The following PCMT1 variants were observed in gnomAD, a reference collection of about 807,000 sequenced individuals.
PCMT1 encodes the protein protein-L-isoaspartate(D-aspartate) O-methyltransferase.
In PCMT1, 9 loss-of-function variants were observed where a neutral mutation model predicts 29.2. That is an observed-to-expected ratio of 0.31 (90% CI 0.19 to 0.54). The LOEUF (loss-of-function observed/expected upper bound fraction) is 0.54, where lower values mean the gene tolerates loss of function less well. Ranked by LOEUF, PCMT1 falls within the 20% of genes least tolerant of loss-of-function variation. The pLI is 0.95. For missense variants in PCMT1, 184 were observed against 282.2 expected (o/e 0.65, Z 2.49); for synonymous variants, 98 against 97.5 (o/e 1.00, Z -0.03).
intron 3 of PCMT1, among the ~76,000 whole-genome samples, chr6:149,786,859 T>C (rs1788121033): frequency 6.7e-6 from 1 of 148,480 alleles, no homozygotes; most frequent in East Asian, 2.0e-4. Flanking sequence ...GAGACGCTCC[T>C]CATATCCCAG....
intron 7 of PCMT1, among the ~76,000 whole-genome samples, chr6:149,802,983 G>T (rs1430851585): frequency 6.8e-6 from 1 of 147,098 alleles, no homozygotes; most frequent in Non-Finnish European, 1.5e-5. Context: ...AACCCTGGAG[G>T]CGGAGGTTGC....
At chr6:149,777,287 AT>A in intron 3 of PCMT1, among the ~76,000 whole-genome samples, 1 of 152,216 alleles carries the variant, frequency 6.6e-6, no homozygotes, top group East Asian at 1.9e-4. Context: ...ATCACATGTA[AT>A]TTATTGAATA....
intron 5 of PCMT1, 45 bp downstream of exon 5, chr6:149,793,714 T>A: frequency 6.7e-7 from 1 of 1,491,936 alleles, no homozygotes; most frequent in Non-Finnish European, 8.9e-7. Flanking sequence ...GGATTTTTAT[T>A]TTCAGAAGAT....
intron 1 of PCMT1, among the ~76,000 whole-genome samples, chr6:149,758,474 T>C (rs891585435): frequency 4.6e-5 from 7 of 151,916 alleles, no homozygotes; most frequent in Non-Finnish European, 1.0e-4. Flanking sequence ...CCTCCCAAAG[T>C]GCTGGGATTA....
intron 6 of PCMT1, among the ~76,000 whole-genome samples, chr6:149,801,114 C>T (rs1272716946): frequency 6.6e-6 from 1 of 152,014 alleles, no homozygotes; most frequent in East Asian, 1.9e-4. Context: ...ATATTTGGGA[C>T]CAGAAGTGTT....
At position 149,795,841 on chromosome 6, in the gene PCMT1, A is replaced by AT. The variant is rs1788588015; in HGVS notation, c.419-571dup. On this transcript the variant is annotated intron_variant, in intron 5 of 7. Transcript: ENST00000464889. ...TTGCTGCCCATAAGGAGCAAAAAAT[A>AT]TTTATCTTGGGCTTATTTGAATGAT... 3.9e-5 allele frequency: 7 copies of AT among 181,280 alleles called. No homozygotes were observed. The South Asian group carries it at 7.3e-4, about 19-fold the overall frequency. 11.2% of individuals were successfully genotyped at this position (181,280 alleles called of 1,614,324 possible).
At chr6:149,762,617 ATATATC>A (rs1786814243) in intron 1 of PCMT1, among the ~76,000 whole-genome samples, 1 of 32,904 alleles carries the variant, frequency 3.0e-5, no homozygotes, top group African/African-American at 3.2e-4. Context: ...TATGATATAT[ATATATC>A]TATGATATAT....
Position 149,788,774 on chromosome 6 carries a change from T to A in PCMT1, c.193-1180T>A, listed in dbSNP as rs1788227141. 2.0e-5 allele frequency among the ~76,000 whole-genome samples: 3 copies of A among 152,216 alleles called. No homozygotes were observed. In the South Asian group the frequency reaches 6.2e-4, roughly 31 times the overall value. The stretch of plus-strand genomic sequence containing the variant: ...ATTATCTGGGGCAAACCCTTTGAGA[T>A]TATGTAAATATCCTGTTTATTTTTC... On this transcript the variant is annotated intron_variant, in intron 3 of 7. Coordinates refer to ENST00000464889, the MANE Select transcript of PCMT1 (RefSeq NM_001360452.2).
chr6:149,758,585 G>A (rs1786614146), intron 1 of PCMT1, among the ~76,000 whole-genome samples: 1 of 151,996 alleles, frequency 6.6e-6, no homozygotes, highest in African/African-American at 2.4e-5. Flanking sequence ...TTAGTAGCCA[G>A]CTACAGAAGT....
chr6:149,755,049 C>G (rs1253726313), intron 1 of PCMT1, among the ~76,000 whole-genome samples: 1 of 152,054 alleles, frequency 6.6e-6, no homozygotes, highest in East Asian at 1.9e-4. Flanking sequence ...CCTGACTTAA[C>G]AGTGGTTTGA....
intron 1 of PCMT1, among the ~76,000 whole-genome samples, chr6:149,761,795 A>T (rs1786751881): frequency 6.6e-6 from 1 of 152,214 alleles, no homozygotes; most frequent in Admixed American, 6.5e-5. Context: ...TACATTGTCA[A>T]AGTTGATAAC....
chr6:149,803,052 C>CAAAAAAAAAAAA (rs60853264), intron 7 of PCMT1, among the ~76,000 whole-genome samples: 8 of 70,568 alleles, frequency 1.1e-4, no homozygotes, highest in Admixed American at 5.4e-4. Context: ...GGCTCTGTCT[C>CAAAAAAAAAAAA]AAAAAAAAAA....
intron 6 of PCMT1, among the ~76,000 whole-genome samples, chr6:149,798,495 T>C (rs1279937204): frequency 6.6e-6 from 1 of 152,208 alleles, no homozygotes; most frequent in Non-Finnish European, 1.5e-5. Context: ...TATAGGGGTA[T>C]GTATACATCT....
intron 7 of PCMT1, among the ~76,000 whole-genome samples, chr6:149,805,391 A>C (rs1228151770): frequency 6.6e-6 from 1 of 151,374 alleles, no homozygotes; most frequent in East Asian, 1.9e-4. Flanking sequence ...CAGGAGATCG[A>C]GACCATCCTG....
At chr6:149,780,338 C>T (rs57176098) in intron 3 of PCMT1, among the ~76,000 whole-genome samples, 1 of 148,252 alleles carries the variant, frequency 6.7e-6, no homozygotes, top group Non-Finnish European at 1.5e-5. Flanking sequence ...AAGACCCTGT[C>T]TCAGAAAAAA....
At chr6:149,758,755 AT>A (rs986982986) in intron 1 of PCMT1, among the ~76,000 whole-genome samples, 9 of 152,078 alleles carry the variant, frequency 5.9e-5, no homozygotes, top group Admixed American at 1.3e-4. Context: ...GATCCATTTT[AT>A]TTTTTTTCCC....
intron 3 of PCMT1, among the ~76,000 whole-genome samples, chr6:149,775,328 A>C (rs1035682502): frequency 8.5e-5 from 13 of 152,202 alleles, no homozygotes; most frequent in African/African-American, 2.4e-4. Flanking sequence ...AAAACACAGA[A>C]GCCATTAAAA....
chr6:149,781,677 GTTAT>G (rs927422002), intron 3 of PCMT1, among the ~76,000 whole-genome samples: 3 of 152,066 alleles, frequency 2.0e-5, no homozygotes, highest in Non-Finnish European at 4.4e-5. Flanking sequence ...TCTTAATTGG[GTTAT>G]TTGTCTTTTC....
chr6:149,778,324 G>T (rs1012435155), intron 3 of PCMT1, among the ~76,000 whole-genome samples: 4 of 151,814 alleles, frequency 2.6e-5, no homozygotes, highest in African/African-American at 9.7e-5. Context: ...TGCCTCCCAG[G>T]TTCAAGCAGT....
Sources: gnomAD v4.1 joint callset for allele counts (sites outside exome capture counted in the v4.1 genomes callset) on GRCh38, gnomAD v4.1.1 for gene constraint, MANE v1.5 for transcripts, NCBI Gene and HGNC (gene_info 2026-07-23, HGNC 2026-07-21) for gene names.